The following NRXN1 variants were observed in gnomAD, a reference collection of about 807,000 sequenced individuals.
NRXN1 encodes the protein neurexin 1.
In NRXN1, 39 loss-of-function variants were observed where a neutral mutation model predicts 150.9. The observed-to-expected ratio is 0.26, with a 90% CI of 0.20 to 0.34. NRXN1 has a LOEUF of 0.34. Among genes scored for constraint, NRXN1 ranks in the 10% least tolerant of loss-of-function variants. The probability of loss-of-function intolerance (pLI) is 1.00; values close to 1 mark genes in which losing one functional copy is unlikely to be tolerated. For synonymous variants in NRXN1, 924 were observed against 757.0 expected, an observed-to-expected ratio of 1.22 and a Z score of -3.62; for missense variants, 1,815 against 1,949.9, an observed-to-expected ratio of 0.93 and a Z score of 1.30.
chr2:50,167,681 A>G (rs1447886780), intron 18 of NRXN1, among the ~76,000 whole-genome samples: 1 of 152,218 alleles, frequency 6.6e-6, no homozygotes, highest in Non-Finnish European at 1.5e-5. Context: ...TTCCAAAATA[A>G]TTGTTCTCAA....
intron 8 of NRXN1, among the ~76,000 whole-genome samples, chr2:50,572,923 A>T (rs1337788750): frequency 6.6e-6 from 1 of 152,094 alleles, no homozygotes; most frequent in African/African-American, 2.4e-5. Flanking sequence ...AAGTATCTTT[A>T]TTGCTTTTTC....
At chr2:50,663,278 T>G (rs558700530) in intron 5 of NRXN1, among the ~76,000 whole-genome samples, 1 of 152,168 alleles carries the variant, frequency 6.6e-6, no homozygotes, top group African/African-American at 2.4e-5. Context: ...CTTTGCTGCT[T>G]GTTCTCACAT....
At position 50,953,426 on chromosome 2, in the gene NRXN1, A is replaced by G. The variant is rs573845639; in HGVS notation, c.773-27471T>C. On this transcript the variant is annotated intron_variant, in intron 2 of 22. Coordinates refer to ENST00000401669, the MANE Select transcript of NRXN1 (RefSeq NM_001330078.2). Reference sequence around the variant, plus strand: ...GCTTTCATAACTGGCAACAAATGGTATAAGCATTTTACGTCATCAGGACAT... The same window carrying G: ...GCTTTCATAACTGGCAACAAATGGTGTAAGCATTTTACGTCATCAGGACAT... Among the ~76,000 whole-genome samples, 6 of 152,358 alleles carry G rather than the reference A, an allele frequency of 3.9e-5. No homozygotes were observed. The South Asian group carries it at 1.2e-3, about 32-fold the overall frequency.
At chr2:50,316,826 T>A (rs551740998) in intron 17 of NRXN1, among the ~76,000 whole-genome samples, 2 of 151,800 alleles carry the variant, frequency 1.3e-5, no homozygotes, top group South Asian at 2.1e-4. Flanking sequence ...GGTAAAAAAA[T>A]GTCAAAATAT....
intron 5 of NRXN1, among the ~76,000 whole-genome samples, chr2:50,767,155 C>T (rs547140922): frequency 4.4e-4 from 67 of 152,152 alleles, no homozygotes; most frequent in Non-Finnish European, 8.2e-4. Context: ...GCTCAACTAC[C>T]ATACCCATGG....
intron 5 of NRXN1, among the ~76,000 whole-genome samples, chr2:50,788,588 C>T (rs895646074): frequency 3.3e-5 from 5 of 151,434 alleles, no homozygotes; most frequent in African/African-American, 7.3e-5. Context: ...TGTGCATGTG[C>T]GTGTGAGAGA....
At chr2:50,674,199 G>A (rs1462805712) in intron 5 of NRXN1, among the ~76,000 whole-genome samples, 1 of 152,172 alleles carries the variant, frequency 6.6e-6, no homozygotes, top group Non-Finnish European at 1.5e-5. Flanking sequence ...GGAACTCTTG[G>A]TGATATTGCC....
intron 17 of NRXN1, among the ~76,000 whole-genome samples, chr2:50,427,795 C>T (rs937881049): frequency 3.9e-5 from 6 of 152,178 alleles, no homozygotes; most frequent in Admixed American, 1.3e-4. Context: ...TCTTCGAATA[C>T]ATTTTTAAAA....
At chr2:50,027,362 G>A (rs572812949) in intron 21 of NRXN1, among the ~76,000 whole-genome samples, 35 of 89,102 alleles carry the variant, frequency 3.9e-4, no homozygotes, top group African/African-American at 1.2e-3. Context: ...TCCTTCCTTC[G>A]TTGCTTCCTT....
chr2:50,483,204 T>C (rs1320874255), intron 15 of NRXN1, among the ~76,000 whole-genome samples: 1 of 152,038 alleles, frequency 6.6e-6, no homozygotes, highest in African/African-American at 2.4e-5. Context: ...AGTTTACAAA[T>C]GCCATGTCAA....
chr2:50,684,141 C>G (rs575648490), intron 5 of NRXN1, among the ~76,000 whole-genome samples: 1 of 152,244 alleles, frequency 6.6e-6, no homozygotes, highest in Non-Finnish European at 1.5e-5. Context: ...TGATGGCTAA[C>G]TTTATTATTT....
intron 8 of NRXN1, among the ~76,000 whole-genome samples, chr2:50,587,888 A>ATT (rs530039755): frequency 1.0e-3 from 153 of 152,288 alleles, no homozygotes; most frequent in Non-Finnish European, 2.0e-3. Context: ...GTAAGATGGT[A>ATT]TTTATATATT....
intron 5 of NRXN1, among the ~76,000 whole-genome samples, chr2:50,808,307 T>C (rs1327546060): frequency 5.9e-5 from 9 of 152,242 alleles, no homozygotes; most frequent in African/African-American, 1.9e-4. Flanking sequence ...TATTCTTAAC[T>C]TTCATAAGCC....
At chr2:50,047,294 C>A (rs375313630) in intron 21 of NRXN1, among the ~76,000 whole-genome samples, 1 of 151,832 alleles carries the variant, frequency 6.6e-6, no homozygotes, top group Non-Finnish European at 1.5e-5. Flanking sequence ...TCAAGTTGTA[C>A]TTTTTGAGTT....
intron 2 of NRXN1, among the ~76,000 whole-genome samples, chr2:50,990,142 T>C (rs1272402407): frequency 6.6e-6 from 1 of 152,030 alleles, no homozygotes; most frequent in Admixed American, 6.6e-5. Flanking sequence ...TTTTGATCTT[T>C]TTTACATTGT....
intron 18 of NRXN1, among the ~76,000 whole-genome samples, chr2:50,143,720 G>C (rs561893125): frequency 2.0e-5 from 3 of 151,800 alleles, no homozygotes; most frequent in Non-Finnish European, 4.4e-5. Flanking sequence ...TTACCCTACT[G>C]TTTCAATCAT....
intron 18 of NRXN1, among the ~76,000 whole-genome samples, chr2:50,108,254 C>T (rs1290268870): frequency 1.3e-5 from 2 of 152,012 alleles, no homozygotes; most frequent in African/African-American, 4.8e-5. Flanking sequence ...CACACACACA[C>T]AAATCCATTG....
intron 5 of NRXN1, among the ~76,000 whole-genome samples, chr2:50,828,278 C>G (rs1277012774): frequency 7.3e-6 from 1 of 137,472 alleles, no homozygotes; most frequent in South Asian, 2.4e-4. Flanking sequence ...GGGGCTGACC[C>G]CCCCCACCTC....
chr2:50,299,403 T>A (rs2152953141), intron 17 of NRXN1, among the ~76,000 whole-genome samples: 1 of 141,692 alleles, frequency 7.1e-6, no homozygotes, highest in Non-Finnish European at 1.6e-5. Context: ...ATCCTGGTCA[T>A]TGTCCAATTT....
Sources: allele counts gnomAD v4.1 joint callset (sites outside exome capture counted in the v4.1 genomes callset), GRCh38; gene constraint gnomAD v4.1.1; transcripts MANE v1.5; gene names NCBI Gene and HGNC (gene_info 2026-07-23, HGNC 2026-07-21).